CADPS: variants seen among roughly 807,000 people sequenced by gnomAD.
The protein encoded by CADPS is calcium-dependent secretion activator 1.
CADPS carries 57 observed loss-of-function variants against 167.3 expected under a neutral mutation model. The observed-to-expected ratio is 0.34, with a 90% CI of 0.28 to 0.42. The LOEUF (loss-of-function observed/expected upper bound fraction) is 0.42. Among genes scored for constraint, CADPS ranks in the 20% least tolerant of loss-of-function variants. The probability of loss-of-function intolerance (pLI) is 1.00; values close to 1 mark genes in which losing one functional copy is unlikely to be tolerated. For synonymous variants in CADPS, 676 were observed against 635.3 expected, an observed-to-expected ratio of 1.06 and a Z score of -0.96; for missense variants, 1,414 against 1,738.1, an observed-to-expected ratio of 0.81 and a Z score of 3.32.
Position 62,426,785 on chromosome 3 carries a change from C to T in CADPS, c.3777+11319G>A, listed in dbSNP as rs189713255. Among the ~76,000 whole-genome samples, 495 of 151,892 alleles carry T rather than the reference C, an allele frequency of 3.3e-3. 3 individuals carry two copies. Among genetic ancestry groups the T allele is most frequent in the African/African-American group, 0.011 (464 of 41,422 alleles). Reference sequence around the variant, plus strand: ...CAAGTCCCTTGAAAAGTTGACAGGGCGGTCAGGCATGGTGGCTCACTCCTG... The same window carrying T: ...CAAGTCCCTTGAAAAGTTGACAGGGTGGTCAGGCATGGTGGCTCACTCCTG... On this transcript the variant is annotated intron_variant, in intron 28 of 29. Coordinates refer to ENST00000383710, the MANE Select transcript of CADPS (RefSeq NM_003716.4).
intron 3 of CADPS, among the ~76,000 whole-genome samples, chr3:62,686,755 C>T (rs1411798249): frequency 1.3e-5 from 2 of 152,058 alleles, no homozygotes; most frequent in East Asian, 1.9e-4. Context: ...TAAAGCCCAA[C>T]TCATTTTTAT....
At chr3:62,575,724 A>G (rs2082131400) in intron 8 of CADPS, among the ~76,000 whole-genome samples, 1 of 152,214 alleles carries the variant, frequency 6.6e-6, no homozygotes, top group African/African-American at 2.4e-5. Context: ...TTCCTTCTAG[A>G]TGACAAACTT....
At chr3:62,713,631 G>A (rs956592752) in intron 3 of CADPS, among the ~76,000 whole-genome samples, 6 of 152,196 alleles carry the variant, frequency 3.9e-5, no homozygotes, top group Admixed American at 3.3e-4. Flanking sequence ...GTACCCTGCC[G>A]CTTCCATTAA....
At chr3:62,415,519 C>G (rs1404680677) in intron 28 of CADPS, among the ~76,000 whole-genome samples, 1 of 152,070 alleles carries the variant, frequency 6.6e-6, no homozygotes, top group African/African-American at 2.4e-5. Context: ...AAGCCGGCAA[C>G]TCGACATTCA....
chr3:62,628,171 G>A (rs561778920), intron 6 of CADPS, among the ~76,000 whole-genome samples: 4 of 152,290 alleles, frequency 2.6e-5, no homozygotes, highest in South Asian at 2.1e-4. Flanking sequence ...TCCCTGACAC[G>A]TGCAGAGGAG....
chr3:62,663,428 A>C (rs1506751), intron 3 of CADPS, among the ~76,000 whole-genome samples: 145,338 of 152,146 alleles, frequency 0.96, 69,769 homozygotes, highest in East Asian at 1. Flanking sequence ...GCTTATTCAG[A>C]AAGTTATATT....
chr3:62,577,637 A>G (rs530954626), intron 8 of CADPS, among the ~76,000 whole-genome samples: 1 of 152,382 alleles, frequency 6.6e-6, no homozygotes, highest in African/African-American at 2.4e-5. Flanking sequence ...ACTCTTCTAT[A>G]GCTGTAGCTA....
At chr3:62,495,735 G>T (rs1033134627) in intron 18 of CADPS, among the ~76,000 whole-genome samples, 7 of 152,194 alleles carry the variant, frequency 4.6e-5, no homozygotes, top group Non-Finnish European at 1.0e-4. Context: ...GGAAGGTGTA[G>T]CAACCATACA....
chr3:62,636,605 G>T (rs1258606860), intron 6 of CADPS, among the ~76,000 whole-genome samples: 1 of 152,222 alleles, frequency 6.6e-6, no homozygotes, highest in Non-Finnish European at 1.5e-5. Flanking sequence ...ATAGTGAAGT[G>T]AGTTCCATAT....
intron 1 of CADPS, among the ~76,000 whole-genome samples, chr3:62,841,640 G>T (rs958296484): frequency 6.6e-6 from 1 of 152,156 alleles, no homozygotes; most frequent in South Asian, 2.1e-4. Flanking sequence ...GGTCGAGGCT[G>T]CAGCGAGCCC....
intron 22 of CADPS, among the ~76,000 whole-genome samples, chr3:62,481,052 T>C (rs1358636309): frequency 2.0e-5 from 3 of 152,138 alleles, no homozygotes; most frequent in African/African-American, 4.8e-5. Context: ...CAAATTTAAT[T>C]ATTTATTGTT....
At chr3:62,855,091 ATTTTT>A (rs554197608) in intron 1 of CADPS, among the ~76,000 whole-genome samples, 9,037 of 92,800 alleles carry the variant, frequency 0.097, 1,121 homozygotes, top group African/African-American at 0.3. Flanking sequence ...TGCCCGGCTA[ATTTTT>A]TTTTTTTTTT....
Position 62,831,845 on chromosome 3 carries a change from C to T in CADPS, c.441+42744G>A, listed in dbSNP as rs565232621. ...GCCTAACTAAATCTTTGTATTAAAC[C>T]GTAGTACCACACCACGCAATGTATT... On this transcript the variant is annotated intron_variant, in intron 1 of 29. Transcript: ENST00000383710. Among the ~76,000 whole-genome samples the T allele has an allele frequency of 2.0e-5, 3 of 152,192 alleles. No homozygotes were observed. The East Asian group carries it at 5.8e-4, about 29-fold the overall frequency.
chr3:62,665,891 A>C (rs2150591647), intron 3 of CADPS, among the ~76,000 whole-genome samples: 1 of 152,334 alleles, frequency 6.6e-6, no homozygotes, highest in East Asian at 1.9e-4. Flanking sequence ...AACGGATATA[A>C]AGGGCTTAGT....
intron 3 of CADPS, among the ~76,000 whole-genome samples, chr3:62,691,200 A>AT (rs1161557367): frequency 1.4e-4 from 22 of 152,076 alleles, no homozygotes; most frequent in African/African-American, 5.1e-4. Flanking sequence ...AGAACAGAGG[A>AT]TTTTTTAGGA....
intron 3 of CADPS, among the ~76,000 whole-genome samples, chr3:62,702,313 T>TA (rs1179497275): frequency 6.6e-6 from 1 of 152,110 alleles, no homozygotes; most frequent in East Asian, 1.9e-4. Flanking sequence ...TTGTGGGAGA[T>TA]ACAGATATAA....
intron 1 of CADPS, among the ~76,000 whole-genome samples, chr3:62,807,823 C>T (rs1347647623): frequency 6.6e-6 from 1 of 151,892 alleles, no homozygotes; most frequent in East Asian, 1.9e-4. Context: ...CAAGAGGGTG[C>T]TATTTCCCAT....
chr3:62,464,261 G>T (rs2059695623), intron 26 of CADPS, among the ~76,000 whole-genome samples: 2 of 152,166 alleles, frequency 1.3e-5, no homozygotes, highest in Admixed American at 6.5e-5. Flanking sequence ...TTGGCAATGG[G>T]ATTTGAGCCT....
At chr3:62,745,245 T>C (rs1429941832) in intron 3 of CADPS, among the ~76,000 whole-genome samples, 1 of 152,112 alleles carries the variant, frequency 6.6e-6, no homozygotes, top group African/African-American at 2.4e-5. Context: ...TTATTTTGTA[T>C]TATTTTTTGT....
Sources: gnomAD v4.1 joint callset for allele counts (sites outside exome capture counted in the v4.1 genomes callset) on GRCh38, gnomAD v4.1.1 for gene constraint, MANE v1.5 for transcripts, NCBI Gene and HGNC (gene_info 2026-07-23, HGNC 2026-07-21) for gene names.